Variants in SORCS2 observed in about 807,000 individuals in gnomAD.
SORCS2 encodes the protein sortilin related VPS10 domain containing receptor 2.
Under a neutral mutation model 141.6 loss-of-function variants are expected in SORCS2, and 100 were observed. That is an observed-to-expected ratio of 0.71 (90% CI 0.60 to 0.83). SORCS2 has a LOEUF of 0.83. SORCS2 is among the 40% of genes least tolerant of loss of function. SORCS2 has a pLI of 0.00. For synonymous variants in SORCS2, 789 were observed against 676.9 expected (o/e 1.17, Z -2.57); for missense variants, 1,646 against 1,560.2 (o/e 1.05, Z -0.93).
chr4:7,726,672 G>A, intron 20 of SORCS2, 108 bp from the exon 21 acceptor site: 1 of 1,455,172 alleles, frequency 6.9e-7, no homozygotes, highest in Non-Finnish European at 9.2e-7. Flanking sequence ...TTGCTGATGG[G>A]AACAAGGGGA....
intron 1 of SORCS2, among the ~76,000 whole-genome samples, chr4:7,370,413 A>G (rs1458630528): frequency 6.6e-6 from 1 of 152,204 alleles, no homozygotes; most frequent in African/African-American, 2.4e-5. Flanking sequence ...AGAAGTTTGT[A>G]TTCAGAGGAC....
intron 2 of SORCS2, among the ~76,000 whole-genome samples, chr4:7,427,833 C>A (rs1029296779): frequency 6.7e-6 from 1 of 148,700 alleles, no homozygotes; most frequent in Admixed American, 6.7e-5. Flanking sequence ...CCCAACGATC[C>A]CACACCACCG....
intron 2 of SORCS2, among the ~76,000 whole-genome samples, chr4:7,405,976 G>A (rs1321753151): frequency 2.0e-5 from 3 of 152,030 alleles, no homozygotes; most frequent in African/African-American, 7.2e-5. Context: ...CTGTGGGTTT[G>A]TTGTATATAG....
intron 2 of SORCS2, among the ~76,000 whole-genome samples, chr4:7,517,851 A>T (rs974800922): frequency 1.1e-4 from 16 of 152,242 alleles, no homozygotes; most frequent in African/African-American, 2.9e-4. Context: ...AAGAGAAAAA[A>T]GTGGATTTCC....
intron 2 of SORCS2, among the ~76,000 whole-genome samples, chr4:7,441,163 C>A (rs1251278903): frequency 6.6e-6 from 1 of 152,136 alleles, no homozygotes; most frequent in Non-Finnish European, 1.5e-5. Context: ...AACTGAGTAG[C>A]AGGGAGGGTC....
intron 1 of SORCS2, among the ~76,000 whole-genome samples, chr4:7,313,797 C>T (rs1429266266): frequency 1.3e-5 from 2 of 152,188 alleles, no homozygotes; most frequent in African/African-American, 2.4e-5. Flanking sequence ...AACCCTCCAG[C>T]AGCTCCCCTG....
chr4:7,279,224 TA>T (rs1465883534), intron 1 of SORCS2, among the ~76,000 whole-genome samples: 1 of 152,026 alleles, frequency 6.6e-6, no homozygotes, highest in Non-Finnish European at 1.5e-5. Flanking sequence ...TACAAAGATG[TA>T]AAAACAGTGT....
At chr4:7,503,264 G>A (rs1399915058) in intron 2 of SORCS2, among the ~76,000 whole-genome samples, 1 of 152,158 alleles carries the variant, frequency 6.6e-6, no homozygotes, top group African/African-American at 2.4e-5. Flanking sequence ...CACACTCACG[G>A]CCCTGGAGTT....
At chr4:7,352,420 C>A (rs532321091) in intron 1 of SORCS2, among the ~76,000 whole-genome samples, 17 of 152,326 alleles carry the variant, frequency 1.1e-4, no homozygotes, top group African/African-American at 3.8e-4. Context: ...TTGGGCAGTG[C>A]TGGGACTCAC....
rs147540259 is a variant in SORCS2 at position 7,304,215 on chromosome 4, G to C, written c.481-92073G>C. Among the ~76,000 whole-genome samples the C allele has an allele frequency of 3.4e-3, 522 of 152,314 alleles. 5 individuals carry two copies. Among genetic ancestry groups the C allele is most frequent in the African/African-American group, 0.012 (502 of 41,560 alleles). ...GGCCTTATGTTCTTGCCTGGGGGTC[G>C]GGGAGACAGACACAAACCCAGAGAC... On this transcript the variant is annotated intron_variant, in intron 1 of 26. Coordinates refer to ENST00000507866, the MANE Select transcript of SORCS2 (RefSeq NM_020777.3).
chr4:7,267,971 C>G (rs981912415), intron 1 of SORCS2, among the ~76,000 whole-genome samples: 10 of 152,232 alleles, frequency 6.6e-5, no homozygotes, highest in African/African-American at 2.4e-4. Context: ...GGGAAGTCTG[C>G]ACACCTTGAG....
intron 3 of SORCS2, among the ~76,000 whole-genome samples, chr4:7,597,483 C>T (rs1387524562): frequency 4.4e-5 from 5 of 112,388 alleles, no homozygotes; most frequent in Non-Finnish European, 1.7e-5. Context: ...TAGGAGGGGG[C>T]TATTGCAATA....
chr4:7,435,769 A>T (rs575614259), intron 2 of SORCS2, among the ~76,000 whole-genome samples: 2 of 152,384 alleles, frequency 1.3e-5, no homozygotes, highest in African/African-American at 4.8e-5. Context: ...CAGCTGGGTG[A>T]GCACGCACAG....
chr4:7,504,226 G>A lies in SORCS2; in HGVS notation c.549-27304G>A, dbSNP rs145988136. ...CAGCTCAAGCCCTTTTCTCCTGTGC[G>A]TACAATTGAAACGGACATCTGGCGG... is the stretch of plus-strand genomic sequence containing the variant. On this transcript the variant is annotated intron_variant, in intron 2 of 26. Coordinates refer to ENST00000507866, the MANE Select transcript of SORCS2 (RefSeq NM_020777.3). Among the ~76,000 whole-genome samples the A allele has an allele frequency of 3.1e-3, 472 of 152,322 alleles. 3 individuals carry two copies. The highest frequency in any genetic ancestry group is 0.011 in the African/African-American group (439 of 41,586).
chr4:7,273,100 G>T (rs1345908299), intron 1 of SORCS2, among the ~76,000 whole-genome samples: 1 of 152,230 alleles, frequency 6.6e-6, no homozygotes, highest in African/African-American at 2.4e-5. Flanking sequence ...GCAGAGGTGG[G>T]GAAGGACTTC....
rs547531759 is a variant in SORCS2, at chr4:7,193,699, T to A, written c.480+573T>A. On this transcript the variant is annotated intron_variant, in intron 1 of 26. Transcript: ENST00000507866. The surrounding 1 kb of genome is among the most constrained non-coding windows in gnomAD (Gnocchi z 4.8). ...AGTGCGACCCGCGGCTGTCTTGAGC[T>A]CTTGCTGCCGGTCGCCCCGCCTGGA... Among the ~76,000 whole-genome samples the A allele has an allele frequency of 1.5e-4, 23 of 152,174 alleles. No homozygotes were observed. The highest frequency in any genetic ancestry group is 2.6e-4 in the Non-Finnish European group (18 of 68,016).
intron 1 of SORCS2, among the ~76,000 whole-genome samples, chr4:7,324,895 G>A (rs1560193155): frequency 6.6e-6 from 1 of 152,346 alleles, no homozygotes; most frequent in African/African-American, 2.4e-5. Context: ...TGGTGGCAGC[G>A]TGGGGTGCTG....
In SORCS2 at chr4:7,710,423, T is replaced by TGCTGC. The variant is rs1560501874; in HGVS notation, c.1869-2310_1869-2309insGCTGC. Among the ~76,000 whole-genome samples the TGCTGC allele has an allele frequency of 2.9e-3, 434 of 152,110 alleles. 3 individuals carry two copies. The highest frequency in any genetic ancestry group is 9.9e-3 in the African/African-American group (413 of 41,520). On this transcript the variant is annotated intron_variant, in intron 14 of 26. Transcript: ENST00000507866. ...GGTGCTCCGTATGCACCAGTGGCTGTTGCTGCTGCTATACCTTCCATAATG... is the reference window on the plus strand; with the variant it reads ...GGTGCTCCGTATGCACCAGTGGCTGTGCTGCTGCTGCTGCTATACCTTCCATAATG...
At chr4:7,284,942 A>G (rs566011073) in intron 1 of SORCS2, among the ~76,000 whole-genome samples, 93 of 151,498 alleles carry the variant, frequency 6.1e-4, no homozygotes, top group African/African-American at 2.2e-3. Context: ...TTGTCTCCAT[A>G]TGGGCTTCTT....
Sources: gnomAD v4.1 joint callset for allele counts (sites outside exome capture counted in the v4.1 genomes callset) on GRCh38, gnomAD v4.1.1 for gene constraint, Gnocchi (gnomAD v3.1) non-coding constraint, MANE v1.5 for transcripts, NCBI Gene and HGNC (gene_info 2026-07-23, HGNC 2026-07-21) for gene names.